Variants in DGKH observed in about 807,000 individuals in gnomAD.
DGKH encodes the protein DAG kinase eta.
Under a neutral mutation model 159.3 loss-of-function variants are expected in DGKH, and 90 were observed. That is an observed-to-expected ratio of 0.57 (90% CI 0.48 to 0.67). The LOEUF (loss-of-function observed/expected upper bound fraction) is 0.67, where lower values mean the gene tolerates loss of function less well. DGKH is among the 30% of genes least tolerant of loss of function. The probability of loss-of-function intolerance (pLI) is 0.00; values close to 1 mark genes in which losing one functional copy is unlikely to be tolerated. For synonymous variants in DGKH, 536 were observed against 553.8 expected, an observed-to-expected ratio of 0.97 and a Z score of 0.45; for missense variants, 1,181 against 1,506.1, an observed-to-expected ratio of 0.78 and a Z score of 3.57.
At chr13:42,082,357 T>A (rs562961936) in intron 1 of DGKH, among the ~76,000 whole-genome samples, 1 of 152,268 alleles carries the variant, frequency 6.6e-6, no homozygotes, top group East Asian at 1.9e-4. Context: ...TTCTAGACCT[T>A]ACAATTGTAT....
In DGKH at chr13:42,200,784, C is replaced by A. The variant is rs545664076; in HGVS notation, c.2493+875C>A. On this transcript the variant is annotated intron_variant, in intron 20 of 29. Transcript: ENST00000337343. ...TATTATACTTTCCACTCTAAACATA[C>A]AACTGTATGATCAGCTGGTTTGATT... is the stretch of plus-strand genomic sequence containing the variant. Among the ~76,000 whole-genome samples the A allele has an allele frequency of 2.6e-4, 40 of 152,240 alleles. No individual in the cohort carries two copies. The South Asian group carries it at 6.6e-3, about 25-fold the overall frequency.
chr13:42,118,625 C>T (rs1955007978), intron 1 of DGKH, among the ~76,000 whole-genome samples: 1 of 152,206 alleles, frequency 6.6e-6, no homozygotes, highest in Admixed American at 6.5e-5. Context: ...GGGTCAAGGA[C>T]GCCTTCCCAG....
chr13:42,049,329 C>T (rs904842318), intron 1 of DGKH, among the ~76,000 whole-genome samples: 19 of 152,022 alleles, frequency 1.2e-4, no homozygotes, highest in Admixed American at 1.2e-3. Context: ...TCGGCGGGAG[C>T]GTGGGAAAAA....
At chr13:42,131,512 T>C (rs1310274162) in intron 3 of DGKH, among the ~76,000 whole-genome samples, 1 of 152,142 alleles carries the variant, frequency 6.6e-6, no homozygotes, top group East Asian at 1.9e-4. Context: ...TGTTTTCTCA[T>C]TGAAATTGAA....
intron 1 of DGKH, among the ~76,000 whole-genome samples, chr13:42,071,541 A>C (rs191042617): frequency 7.9e-5 from 12 of 152,370 alleles, no homozygotes; most frequent in African/African-American, 2.9e-4. Context: ...GGTCCTGAGC[A>C]GCATCGTTCT....
At chr13:42,083,271 A>T (rs1489807810) in intron 1 of DGKH, among the ~76,000 whole-genome samples, 1 of 152,204 alleles carries the variant, frequency 6.6e-6, no homozygotes, top group Non-Finnish European at 1.5e-5. Context: ...TTCGTGCTTC[A>T]AGGAACTTGC....
chr13:42,053,643 G>A (rs978395059), intron 1 of DGKH, among the ~76,000 whole-genome samples: 6 of 145,530 alleles, frequency 4.1e-5, no homozygotes, highest in East Asian at 2.1e-4. Context: ...TTTTTGAGAC[G>A]GAGTCTTACT....
intron 21 of DGKH, among the ~76,000 whole-genome samples, chr13:42,207,153 CCTTCCTTCCTTCCTTCCTTCCTTCCT>C (rs1957525486): frequency 1.4e-5 from 1 of 73,736 alleles, no homozygotes; most frequent in African/African-American, 5.4e-5. Context: ...TTCCTTCCTT[CCTTCCTTCCTTCCTTCCTTCCTTCCT>C]TCCTTCCTTC....
chr13:42,124,741 A>G (rs1044511524), intron 1 of DGKH, among the ~76,000 whole-genome samples: 1 of 152,210 alleles, frequency 6.6e-6, no homozygotes, highest in African/African-American at 2.4e-5. Flanking sequence ...ACTATAAAAA[A>G]TGAGTTGCAA....
chr13:42,199,603 T>C lies in DGKH; in HGVS notation c.2323T>C (p.Phe775Leu). 1 of 1,604,420 alleles carries C rather than the reference T, an allele frequency of 6.2e-7. No individual in the cohort carries two copies. The highest frequency in any genetic ancestry group is 8.5e-7 in the Non-Finnish European group (1 of 1,177,086). Residue 775 changes from phenylalanine (F) to leucine (L), a missense_variant, in exon 19 of 30, where the codon TTT becomes CTT. By Grantham distance (22) the Phe-to-Leu change is conservative. Coordinates refer to ENST00000337343, the MANE Select transcript of DGKH (RefSeq NM_178009.5). ...AGAAAAATGTGTCATGAACAATTAC[T>C]TTGGGATTGGATTAGATGCAAAAAT... ...YSEKCVMNNY[F>L]GIGLDAKISL...
At chr13:42,248,314 C>T (rs896157596) in intron 29 of DGKH, among the ~76,000 whole-genome samples, 5 of 151,656 alleles carry the variant, frequency 3.3e-5, no homozygotes, top group Non-Finnish European at 5.9e-5. Flanking sequence ...CCCAGCTACT[C>T]GGGAGGCTGA....
At chr13:42,159,875 G>A (rs1010335481) in intron 6 of DGKH, 136 bp from the exon 7 acceptor site, 13 of 1,246,538 alleles carry the variant, frequency 1.0e-5, no homozygotes, top group African/African-American at 9.0e-5. Context: ...CTCAATAAAC[G>A]TGGGGTAAAT....
chr13:42,243,207 G>A (rs1209962891), downstream of DGKH, among the ~76,000 whole-genome samples: 1 of 152,022 alleles, frequency 6.6e-6, no homozygotes, highest in Non-Finnish European at 1.5e-5. Flanking sequence ...TCTTAACCCC[G>A]GGCAACCACT....
chr13:42,043,269 T>C (rs937826066), intron 1 of DGKH, among the ~76,000 whole-genome samples: 1 of 152,250 alleles, frequency 6.6e-6, no homozygotes, highest in Non-Finnish European at 1.5e-5. Flanking sequence ...TTAAGACCAA[T>C]CTGTGGATCC....
chr13:42,179,184 G>A (rs1352888756), intron 13 of DGKH, among the ~76,000 whole-genome samples: 1 of 152,234 alleles, frequency 6.6e-6, no homozygotes, highest in Non-Finnish European at 1.5e-5. Flanking sequence ...GTTGGCCCAG[G>A]AGAGGTGGGC....
Position 42,221,387 on chromosome 13 carries a change from A to T in DGKH, c.3566A>T (p.Asp1189Val), listed in dbSNP as rs200453331. 137 of 1,613,512 alleles carry T rather than the reference A, an allele frequency of 8.5e-5. No individual in the cohort carries two copies. Among genetic ancestry groups the T allele is most frequent in the Non-Finnish European group, 9.8e-5 (116 of 1,179,544 alleles). The change falls in exon 29 of 30, where the codon GAT (aspartate) becomes GTT (valine). Residue 1189 changes from aspartate (D) to valine (V), a missense_variant. Physicochemically the swap from Asp to Val is radical, Grantham distance 152 (BLOSUM62 -3). This residue lies in a region of DGKH where 84 missense variants were observed against 77.9 expected (regional missense o/e 1.08). Coordinates refer to ENST00000337343, the MANE Select transcript of DGKH (RefSeq NM_178009.5). Reference sequence around the variant, plus strand: ...GAACTTTTGCATCTGGAAAGGCGAGATCTTAAGGTATTTCCTTTGTGCTCT... The same window carrying T: ...GAACTTTTGCATCTGGAAAGGCGAGTTCTTAAGGTATTTCCTTTGTGCTCT... ...GAELLHLERR[D>V]LKDLGIPKVG...
intron 30 of DGKH, among the ~76,000 whole-genome samples, chr13:42,254,483 A>G (rs1476231068): frequency 6.6e-6 from 1 of 152,076 alleles, no homozygotes; most frequent in Non-Finnish European, 1.5e-5. Context: ...AATACAAAAA[A>G]TTAGCCAGGC....
chr13:42,095,156 CTTTTTT>C (rs776422302), intron 1 of DGKH, among the ~76,000 whole-genome samples: 17 of 76,814 alleles, frequency 2.2e-4, no homozygotes, highest in Non-Finnish European at 3.5e-4. Context: ...ATGTTGACTC[CTTTTTT>C]TTTTTTTTTT....
In DGKH at chr13:42,166,536, C is replaced by T. The variant is rs369104416; in HGVS notation, c.980C>T (p.Ser327Leu). ...ACAGGTTTCTGTAGAGCAACATTTT[C>T]GTTCTGTGTTAGTCCTCTATTGGTT... ...DSDGFCRATFSFCVSPLLVFV... is the reference protein window; with the variant it reads ...DSDGFCRATFLFCVSPLLVFV... Residue 327 changes from serine (S) to leucine (L), a missense_variant, in exon 9 of 30, where the codon TCG becomes TTG. Transcript: ENST00000337343. The T allele has an allele frequency of 9.0e-6, 14 of 1,550,680 alleles. No homozygotes were observed. The highest frequency in any genetic ancestry group is 4.2e-5 in the African/African-American group (3 of 72,182).
Sources: allele counts gnomAD v4.1 joint callset (sites outside exome capture counted in the v4.1 genomes callset), GRCh38; gene constraint gnomAD v4.1.1; regional missense constraint gnomAD v4.1.1; transcripts MANE v1.5; gene names NCBI Gene and HGNC (gene_info 2026-07-23, HGNC 2026-07-21).